The following CPNE8 variants were observed in gnomAD, a reference collection of about 807,000 sequenced individuals.
The protein encoded by CPNE8 is copine-8.
A neutral mutation model predicts 81.5 loss-of-function variants in CPNE8; 45 were observed. The ratio of observed to expected loss-of-function variants is 0.55; its 90% CI spans 0.44 to 0.71. The LOEUF is 0.71. Among genes scored for constraint, CPNE8 ranks in the 30% least tolerant of loss-of-function variants. The probability of loss-of-function intolerance (pLI) is 0.00; values close to 1 mark genes in which losing one functional copy is unlikely to be tolerated. For missense variants in CPNE8, 594 were observed against 672.1 expected (o/e 0.88, Z 1.28); for synonymous variants, 252 against 226.3 (o/e 1.11, Z -1.02).
At chr12:38,655,624 A>C (rs985622598) in intron 19 of CPNE8, among the ~76,000 whole-genome samples, 1 of 152,144 alleles carries the variant, frequency 6.6e-6, no homozygotes, top group Non-Finnish European at 1.5e-5. Flanking sequence ...TTTTTATTTA[A>C]AGTTATTCAT....
chr12:38,673,648 G>T (rs1939227733), intron 18 of CPNE8, among the ~76,000 whole-genome samples: 2 of 152,082 alleles, frequency 1.3e-5, no homozygotes, highest in South Asian at 4.2e-4. Flanking sequence ...ACAGAAACCA[G>T]GTGTTACAGG....
chr12:38,675,793 AT>A lies in CPNE8; in HGVS notation c.1375-20del. ...TTGAGGCCTTCAAAGAGAATATACA[AT>A]TAGGTTTCAATTAAGAAATTGAGTT... On this transcript the variant is annotated intron_variant, in intron 17 of 19. Transcript: ENST00000331366. The A allele has an allele frequency of 6.6e-7, 1 of 1,505,150 alleles. No individual in the cohort carries two copies. Among genetic ancestry groups the A allele is most frequent in the Non-Finnish European group, 9.2e-7 (1 of 1,081,846 alleles). 93.2% of individuals were successfully genotyped at this position (1,505,150 alleles called of 1,614,324 possible).
chr12:38,663,653 T>C (rs1939005753), intron 19 of CPNE8, among the ~76,000 whole-genome samples: 1 of 152,086 alleles, frequency 6.6e-6, no homozygotes, highest in African/African-American at 2.4e-5. Context: ...AATCAGTATG[T>C]CAAATAAATA....
At chr12:38,802,692 C>A (rs577435908) in intron 6 of CPNE8, among the ~76,000 whole-genome samples, 5 of 151,748 alleles carry the variant, frequency 3.3e-5, no homozygotes, top group African/African-American at 7.3e-5. Flanking sequence ...GACAAAAAAC[C>A]CTTCCAAAAA....
chr12:38,741,087 A>C (rs1368585210), intron 10 of CPNE8, among the ~76,000 whole-genome samples: 1 of 152,066 alleles, frequency 6.6e-6, no homozygotes, highest in South Asian at 2.1e-4. Flanking sequence ...AATCAATATC[A>C]TGAAAATGGC....
intron 19 of CPNE8, among the ~76,000 whole-genome samples, chr12:38,665,303 T>C (rs946277428): frequency 3.3e-5 from 5 of 152,184 alleles, no homozygotes; most frequent in African/African-American, 1.2e-4. Flanking sequence ...TTTAGACCCT[T>C]ATAATATTTA....
intron 10 of CPNE8, among the ~76,000 whole-genome samples, chr12:38,742,246 C>G (rs1476276519): frequency 3.9e-5 from 6 of 152,068 alleles, no homozygotes; most frequent in Non-Finnish European, 8.8e-5. Flanking sequence ...TATTGCGGCA[C>G]TATTCACAAT....
intron 6 of CPNE8, among the ~76,000 whole-genome samples, chr12:38,806,752 G>C (rs1942815761): frequency 6.9e-6 from 1 of 145,432 alleles, no homozygotes; most frequent in East Asian, 2.5e-4. Flanking sequence ...GTTCTGGCCA[G>C]GGCAATTAGG....
At chr12:38,852,798 TG>T (rs1943666872) in intron 3 of CPNE8, among the ~76,000 whole-genome samples, 1 of 152,056 alleles carries the variant, frequency 6.6e-6, no homozygotes, top group South Asian at 2.1e-4. Context: ...ATACCAATTT[TG>T]GTATATGTAT....
intron 6 of CPNE8, among the ~76,000 whole-genome samples, chr12:38,794,133 CT>C (rs1172420552): frequency 1.3e-5 from 2 of 152,044 alleles, no homozygotes; most frequent in African/African-American, 4.8e-5. Context: ...TGAAATTGGT[CT>C]TGACAATGAT....
intron 19 of CPNE8, among the ~76,000 whole-genome samples, chr12:38,667,630 C>T (rs916023151): frequency 3.9e-5 from 6 of 152,164 alleles, no homozygotes; most frequent in African/African-American, 7.2e-5. Flanking sequence ...TTCCTAGGGA[C>T]ATTTTAATTT....
chr12:38,827,263 A>G (rs1342533181), intron 6 of CPNE8, among the ~76,000 whole-genome samples: 2 of 152,158 alleles, frequency 1.3e-5, no homozygotes, highest in African/African-American at 4.8e-5. Context: ...AATAAAAACC[A>G]TAATGAGATA....
At position 38,884,328 on chromosome 12, in the gene CPNE8, G is replaced by A. The variant is rs575062869; in HGVS notation, c.99-9817C>T. Among the ~76,000 whole-genome samples, 6 of 152,194 alleles carry A rather than the reference G, an allele frequency of 3.9e-5. No individual in the cohort carries two copies. The South Asian group carries it at 1.2e-3, about 32-fold the overall frequency. On this transcript the variant is annotated intron_variant, in intron 1 of 19. Coordinates refer to ENST00000331366, the MANE Select transcript of CPNE8 (RefSeq NM_153634.3). ...TCTTTTTGTGACTAGCTTCTTTCAA[G>A]TACATGATGTTTTGAAGATTCAGCC...
intron 1 of CPNE8, among the ~76,000 whole-genome samples, chr12:38,902,368 G>GAAAAGA (rs1244486837): frequency 3.0e-5 from 2 of 66,774 alleles, no homozygotes; most frequent in African/African-American, 1.7e-4. Context: ...AAGAAAGAAA[G>GAAAAGA]AAAGAAAGAA....
chr12:38,704,826 G>GTATATATATATATATATATA (rs573232937), intron 13 of CPNE8, among the ~76,000 whole-genome samples: 1 of 50,194 alleles, frequency 2.0e-5, no homozygotes, highest in Non-Finnish European at 5.5e-5. Flanking sequence ...GTATGTATGT[G>GTATATATATATATATATATA]TATATATATA....
chr12:38,691,622 T>G (rs1939678020), intron 15 of CPNE8, among the ~76,000 whole-genome samples: 1 of 152,068 alleles, frequency 6.6e-6, no homozygotes, highest in Non-Finnish European at 1.5e-5. Context: ...GGGAGACTAT[T>G]TTTCATAGAT....
At chr12:38,753,747 A>G (rs1941398459) in intron 10 of CPNE8, among the ~76,000 whole-genome samples, 1 of 152,172 alleles carries the variant, frequency 6.6e-6, no homozygotes, top group South Asian at 2.1e-4. Flanking sequence ...AGATATTTTG[A>G]GAGAGACCAC....
At chr12:38,666,529 T>TCAA (rs1939059455) in intron 19 of CPNE8, among the ~76,000 whole-genome samples, 10 of 152,144 alleles carry the variant, frequency 6.6e-5, no homozygotes, top group Admixed American at 6.6e-4. Context: ...TGTGACAGGC[T>TCAA]ATACGTGGAG....
intron 6 of CPNE8, among the ~76,000 whole-genome samples, chr12:38,784,250 C>T (rs936201605): frequency 6.6e-6 from 1 of 152,050 alleles, no homozygotes; most frequent in Non-Finnish European, 1.5e-5. Context: ...CTTTTAATGG[C>T]AGAGTTGATC....
Sources: gnomAD v4.1 joint callset for allele counts (sites outside exome capture counted in the v4.1 genomes callset) on GRCh38, gnomAD v4.1.1 for gene constraint, MANE v1.5 for transcripts, NCBI Gene and HGNC (gene_info 2026-07-23, HGNC 2026-07-21) for gene names.